Variants in CAPZA2 observed in about 807,000 individuals in gnomAD.
CAPZA2 encodes the protein F-actin-capping protein subunit alpha-2.
A neutral mutation model predicts 44.0 loss-of-function variants in CAPZA2; 13 were observed. The ratio of observed to expected loss-of-function variants is 0.30; its 90% CI spans 0.19 to 0.47. CAPZA2 has a LOEUF of 0.47. Among genes scored for constraint, CAPZA2 ranks in the 20% least tolerant of loss-of-function variants. The probability of loss-of-function intolerance (pLI) is 1.00; values close to 1 mark genes in which losing one functional copy is unlikely to be tolerated. For synonymous variants in CAPZA2, 94 were observed against 108.2 expected, an observed-to-expected ratio of 0.87 and a Z score of 0.81; for missense variants, 244 against 338.6, an observed-to-expected ratio of 0.72 and a Z score of 2.19.
intron 1 of CAPZA2, among the ~76,000 whole-genome samples, chr7:116,885,179 G>T (rs1796747012): frequency 6.6e-6 from 1 of 151,560 alleles, no homozygotes; most frequent in Non-Finnish European, 1.5e-5. Context: ...TTGTAAACTT[G>T]TCTTTTCATT....
intron 6 of CAPZA2, among the ~76,000 whole-genome samples, chr7:116,908,165 G>A (rs1791542205): frequency 2.0e-5 from 3 of 151,888 alleles, no homozygotes; most frequent in Non-Finnish European, 4.4e-5. Context: ...GGAGGCTGAG[G>A]CAAGAGGATC....
intron 1 of CAPZA2, among the ~76,000 whole-genome samples, chr7:116,872,511 C>T (rs1796565565): frequency 1.3e-5 from 2 of 152,018 alleles, no homozygotes; most frequent in Non-Finnish European, 2.9e-5. Context: ...TAGAGGAAAA[C>T]TTATTAAAAC....
rs912073623 is a variant in CAPZA2 at position 116,918,810 on chromosome 7, G to C, written c.*943G>C. 1.8e-4 allele frequency: 27 copies of C among 151,972 alleles called. No individual in the cohort carries two copies. The highest frequency in any genetic ancestry group is 6.5e-4 in the African/African-American group (27 of 41,386). The allele number at this position is 151,972 out of a possible 1,614,324, so 9.4% of individuals were successfully genotyped here. On this transcript the variant is annotated 3_prime_UTR_variant, in exon 10 of 10. Transcript: ENST00000361183. ...TCTTTGGATATTGTAATTCTTAACT[G>C]GTTGTAAATTAGAAAAGCTGGGATT...
chr7:116,905,240 C>G (rs551364884), intron 5 of CAPZA2, among the ~76,000 whole-genome samples: 1 of 151,928 alleles, frequency 6.6e-6, no homozygotes, highest in South Asian at 2.1e-4. Context: ...CCCTGACAGG[C>G]TTTTTTAGCA....
At position 116,898,830 on chromosome 7, in the gene CAPZA2, G is replaced by T; in HGVS notation, c.214G>T (p.Asp72Tyr). 6.4e-7 allele frequency: 1 copy of T among 1,570,374 alleles called. No individual in the cohort carries two copies. The highest frequency in any genetic ancestry group is 2.2e-5 in the East Asian group (1 of 44,476). ...TCCAGTAAAAATTGAAGGTTATGAA[G>T]ATCAGGTATGTTTCATATAAACACT... ...FTPVKIEGYE[D>Y]QVLITEHGDL... is the part of the protein sequence containing the mutation. The change falls in exon 4 of 10, where the codon GAT (aspartate) becomes TAT (tyrosine). Residue 72 changes from aspartate (D) to tyrosine (Y), a missense_variant. By Grantham distance (160) the Asp-to-Tyr change is radical. Transcript: ENST00000361183.
intron 1 of CAPZA2, 36 bp from the exon 2 acceptor site, chr7:116,888,091 T>G (rs1437224196): frequency 6.8e-7 from 1 of 1,468,132 alleles, no homozygotes; most frequent in Non-Finnish European, 9.5e-7. Flanking sequence ...CAGAAGCCTG[T>G]GATATGGAAC....
At chr7:116,911,367 A>G (rs2115976128) in intron 7 of CAPZA2, among the ~76,000 whole-genome samples, 1 of 152,366 alleles carries the variant, frequency 6.6e-6, no homozygotes, top group South Asian at 2.1e-4. Context: ...AAGACCATTT[A>G]GTAGTACACT....
intron 2 of CAPZA2, among the ~76,000 whole-genome samples, chr7:116,891,712 C>T (rs1043758759): frequency 3.9e-5 from 6 of 151,994 alleles, no homozygotes; most frequent in Admixed American, 6.6e-5. Flanking sequence ...GGGGTTTCAC[C>T]GTGTTAGCCA....
At chr7:116,916,672 A>G (rs933039896) in intron 9 of CAPZA2, among the ~76,000 whole-genome samples, 1 of 152,070 alleles carries the variant, frequency 6.6e-6, no homozygotes, top group African/African-American at 2.4e-5. Context: ...CTGAGTGCAG[A>G]TTGAGTATCT....
intron 4 of CAPZA2, among the ~76,000 whole-genome samples, chr7:116,899,942 A>G (rs1796974052): frequency 6.6e-6 from 1 of 151,728 alleles, no homozygotes; most frequent in African/African-American, 2.4e-5. Context: ...AATAGGATTT[A>G]GAGATATATC....
intron 3 of CAPZA2, among the ~76,000 whole-genome samples, chr7:116,895,967 G>A (rs552894595): frequency 2.0e-5 from 3 of 152,160 alleles, no homozygotes; most frequent in South Asian, 2.1e-4. Flanking sequence ...CCAAAACTAC[G>A]TAACAAAAGC....
chr7:116,883,536 C>T (rs1217384975), intron 1 of CAPZA2, among the ~76,000 whole-genome samples: 2 of 152,168 alleles, frequency 1.3e-5, no homozygotes, highest in Non-Finnish European at 2.9e-5. Flanking sequence ...TCAGGCACGG[C>T]TGGTTTAATC....
intron 5 of CAPZA2, among the ~76,000 whole-genome samples, chr7:116,905,187 A>T (rs1791476950): frequency 6.6e-6 from 1 of 151,790 alleles, no homozygotes; most frequent in African/African-American, 2.4e-5. Context: ...ATATGGTAGT[A>T]GGAATACATT....
chr7:116,881,921 CA>C (rs1796708666), intron 1 of CAPZA2, among the ~76,000 whole-genome samples: 1 of 151,824 alleles, frequency 6.6e-6, no homozygotes, highest in Non-Finnish European at 1.5e-5. Context: ...TTGAAGAGTA[CA>C]GACTGATTAT....
At chr7:116,893,277 C>G (rs575233845) in intron 3 of CAPZA2, among the ~76,000 whole-genome samples, 3 of 151,996 alleles carry the variant, frequency 2.0e-5, no homozygotes, top group Non-Finnish European at 4.4e-5. Context: ...ACTACAGGCG[C>G]GCACCACCAC....
intron 6 of CAPZA2, among the ~76,000 whole-genome samples, chr7:116,908,443 A>G (rs1383542887): frequency 1.3e-5 from 2 of 152,262 alleles, no homozygotes; most frequent in East Asian, 3.9e-4. Context: ...GAGTGAATAC[A>G]TATTTGTAAT....
chr7:116,907,994 C>T lies in CAPZA2; in HGVS notation c.506+1652C>T, dbSNP rs187753240. ...TAATACAAAGAACTATACTTCAAGC[C>T]AGGCATCTGTAATCCCAGCACTTTT... On this transcript the variant is annotated intron_variant, in intron 6 of 9. Transcript: ENST00000361183. Among the ~76,000 whole-genome samples the T allele has an allele frequency of 2.6e-5, 4 of 152,204 alleles. No homozygotes were observed. The East Asian group carries it at 7.7e-4, about 29-fold the overall frequency.
intron 1 of CAPZA2, among the ~76,000 whole-genome samples, chr7:116,865,431 C>A (rs924053199): frequency 2.6e-5 from 4 of 152,020 alleles, no homozygotes; most frequent in African/African-American, 4.8e-5. Context: ...GGTGATCCAC[C>A]CCCCTCGGCC....
intron 1 of CAPZA2, among the ~76,000 whole-genome samples, chr7:116,876,839 C>T (rs1242266351): frequency 4.6e-5 from 7 of 152,208 alleles, no homozygotes; most frequent in Non-Finnish European, 1.5e-5. Flanking sequence ...AGACAGCACA[C>T]CACGCAGGCC....
Sources: allele counts gnomAD v4.1 joint callset (sites outside exome capture counted in the v4.1 genomes callset), GRCh38; gene constraint gnomAD v4.1.1; transcripts MANE v1.5; gene names NCBI Gene and HGNC (gene_info 2026-07-23, HGNC 2026-07-21).